The following ADCY2 variants were observed in gnomAD, a reference collection of about 807,000 sequenced individuals.
ADCY2 encodes adenylate cyclase type 2.
ADCY2 carries 31 observed loss-of-function variants against 125.2 expected under a neutral mutation model. The observed-to-expected ratio is 0.25, with a 90% CI of 0.19 to 0.33. The LOEUF is 0.33. ADCY2 is among the 10% of genes least tolerant of loss of function. The probability of loss-of-function intolerance (pLI) is 1.00; values close to 1 mark genes in which losing one functional copy is unlikely to be tolerated. For synonymous variants in ADCY2, 512 were observed against 548.4 expected (o/e 0.93, Z 0.93); for missense variants, 904 against 1,418.2 (o/e 0.64, Z 5.82).
chr5:7,562,659 A>G (rs1735743863), intron 3 of ADCY2, among the ~76,000 whole-genome samples: 1 of 152,210 alleles, frequency 6.6e-6, no homozygotes, highest in Admixed American at 6.5e-5. Context: ...AGACACACAC[A>G]CACACGGCCT....
chr5:7,434,818 A>G (rs1487844893), intron 2 of ADCY2, among the ~76,000 whole-genome samples: 3 of 152,184 alleles, frequency 2.0e-5, no homozygotes, highest in East Asian at 1.9e-4. Context: ...TAAAGAGCCA[A>G]TGGTCTCAGC....
intron 4 of ADCY2, among the ~76,000 whole-genome samples, chr5:7,651,736 C>T (rs1435123973): frequency 6.6e-6 from 1 of 152,168 alleles, no homozygotes. Context: ...AGTTGACACT[C>T]AGTGTTAACC....
At chr5:7,759,049 G>A (rs1162008190) in intron 16 of ADCY2, among the ~76,000 whole-genome samples, 1 of 152,164 alleles carries the variant, frequency 6.6e-6, no homozygotes, top group Non-Finnish European at 1.5e-5. Context: ...GCAGGGGTGG[G>A]ATGGCCTCTC....
At chr5:7,654,818 TA>T (rs1488538718) in intron 4 of ADCY2, among the ~76,000 whole-genome samples, 2 of 152,002 alleles carry the variant, frequency 1.3e-5, no homozygotes, top group African/African-American at 4.8e-5. Context: ...CTGTCAATAG[TA>T]AGGGGAAGCA....
chr5:7,703,428 C>T (rs754206860), intron 7 of ADCY2, among the ~76,000 whole-genome samples: 8 of 151,690 alleles, frequency 5.3e-5, no homozygotes, highest in Non-Finnish European at 7.4e-5. Context: ...GATCCAGTTT[C>T]GGCTTTCTAC....
intron 2 of ADCY2, among the ~76,000 whole-genome samples, chr5:7,492,988 C>G (rs1743218891): frequency 6.6e-6 from 1 of 152,098 alleles, no homozygotes; most frequent in Non-Finnish European, 1.5e-5. Context: ...GGCCATTGCT[C>G]TTGTGCTCAG....
chr5:7,666,673 A>G (rs7445043), intron 4 of ADCY2, among the ~76,000 whole-genome samples: 85,517 of 152,010 alleles, frequency 0.56, 24,773 homozygotes, highest in East Asian at 0.99. Flanking sequence ...TTCAGCCCCC[A>G]TTATCTGGTT....
intron 2 of ADCY2, among the ~76,000 whole-genome samples, chr5:7,425,167 G>C (rs1740342451): frequency 6.6e-6 from 1 of 152,204 alleles, no homozygotes; most frequent in Non-Finnish European, 1.5e-5. Flanking sequence ...CAACACAAGG[G>C]CGCAACAAGG....
chr5:7,537,554 C>A (rs1055162231), intron 3 of ADCY2, among the ~76,000 whole-genome samples: 7 of 152,174 alleles, frequency 4.6e-5, no homozygotes, highest in Non-Finnish European at 8.8e-5. Context: ...TGCTGTCCTC[C>A]CAAGTCACTT....
At chr5:7,758,909 G>A (rs113976735) in intron 16 of ADCY2, among the ~76,000 whole-genome samples, 2,074 of 152,252 alleles carry the variant, frequency 0.014, 51 homozygotes, top group African/African-American at 0.047. Flanking sequence ...GAAGAAGTGG[G>A]TTAGGACCTT....
Position 7,396,626 on chromosome 5 carries a change from G to C in ADCY2, c.210+120G>C. On this transcript the variant is annotated intron_variant, in intron 1 of 24. Coordinates refer to ENST00000338316, the MANE Select transcript of ADCY2 (RefSeq NM_020546.3). This position sits in a 1 kb window ranked among gnomAD's most constrained non-coding sequence, Gnocchi z 5.7. ...GGCCCGCGGCAGCCCCTCGGCCCGC[G>C]GCAGCCCCTCGGCCCGCGGCTCCCT... 1 of 674,330 alleles carries C rather than the reference G, an allele frequency of 1.5e-6. No individual in the cohort carries two copies. Among genetic ancestry groups the C allele is most frequent in the Non-Finnish European group, 2.1e-6 (1 of 486,750 alleles). The allele number at this position is 674,330 out of a possible 1,614,324, so 41.8% of individuals were successfully genotyped here.
intron 3 of ADCY2, 37 bp from the exon 4 acceptor site, chr5:7,626,130 C>G (rs1255104211): frequency 6.3e-7 from 1 of 1,591,872 alleles, no homozygotes; most frequent in Non-Finnish European, 8.5e-7. Flanking sequence ...AAGTGAGAAA[C>G]AGTTACCCTA....
chr5:7,670,092 G>A (rs957450674), intron 4 of ADCY2, among the ~76,000 whole-genome samples: 3 of 152,134 alleles, frequency 2.0e-5, no homozygotes, highest in Non-Finnish European at 2.9e-5. Flanking sequence ...AATATTTTGG[G>A]TTTTAATGTA....
At chr5:7,656,566 C>G (rs1211552898) in intron 4 of ADCY2, among the ~76,000 whole-genome samples, 2 of 152,186 alleles carry the variant, frequency 1.3e-5, no homozygotes, top group Admixed American at 1.3e-4. Context: ...TCTCTCATGT[C>G]AAAGGGGCCC....
chr5:7,414,011 C>A lies in ADCY2; in HGVS notation c.211-562C>A, dbSNP rs541366724. ...GAGAAATAACAAACATGGCGCCCTC[C>A]TGTATGCATTTCCCGCTCCCTCACG... On this transcript the variant is annotated intron_variant, in intron 1 of 24. Coordinates refer to ENST00000338316, the MANE Select transcript of ADCY2 (RefSeq NM_020546.3). Among the ~76,000 whole-genome samples, 65 of 152,348 alleles carry A rather than the reference C, an allele frequency of 4.3e-4. 1 individual carries two copies. The highest frequency in any genetic ancestry group is 3.9e-4 in the East Asian group (2 of 5,178).
At position 7,828,330 on chromosome 5, in the gene ADCY2, A is replaced by C. The variant is rs1166895545; in HGVS notation, c.*1459A>C. The C allele has an allele frequency of 2.6e-5, 4 of 152,480 alleles. No homozygotes were observed. Among genetic ancestry groups the C allele is most frequent in the African/African-American group, 9.7e-5 (4 of 41,434 alleles). 9.4% of individuals were successfully genotyped at this position (152,480 alleles called of 1,614,324 possible). On this transcript the variant is annotated 3_prime_UTR_variant, in exon 25 of 25. Coordinates refer to ENST00000338316, the MANE Select transcript of ADCY2 (RefSeq NM_020546.3). The stretch of plus-strand genomic sequence containing the variant: ...CTTGAAGCACAAGTTCCTGGTTTGA[A>C]TCCTGGCTCTGATTTTTTACTGGCT...
intron 4 of ADCY2, among the ~76,000 whole-genome samples, chr5:7,648,929 A>T (rs1279944533): frequency 6.6e-6 from 1 of 152,212 alleles, no homozygotes. Flanking sequence ...CTTAGTGGAC[A>T]TAAAACCTGT....
intron 6 of ADCY2, 130 bp from the exon 7 acceptor site, chr5:7,698,117 T>A (rs1179899099): frequency 9.2e-7 from 1 of 1,084,994 alleles, no homozygotes. Context: ...GAAGCCCAAC[T>A]GGTTCTCATT....
intron 4 of ADCY2, among the ~76,000 whole-genome samples, chr5:7,683,163 T>C (rs1048256490): frequency 6.6e-6 from 1 of 152,188 alleles, no homozygotes; most frequent in Non-Finnish European, 1.5e-5. Flanking sequence ...GGAATGGCCT[T>C]GCCAAGGCTC....
Sources: allele counts gnomAD v4.1 joint callset (sites outside exome capture counted in the v4.1 genomes callset), GRCh38; gene constraint gnomAD v4.1.1; non-coding constraint Gnocchi (gnomAD v3.1); transcripts MANE v1.5; gene names NCBI Gene and HGNC (gene_info 2026-07-23, HGNC 2026-07-21).